TBC1D19: variants seen among roughly 807,000 people sequenced by gnomAD.
The protein encoded by TBC1D19 is TBC1 domain family, member 19.
A neutral mutation model predicts 89.0 loss-of-function variants in TBC1D19; 60 were observed. The observed-to-expected ratio is 0.67, with a 90% CI of 0.55 to 0.84. The LOEUF (loss-of-function observed/expected upper bound fraction) is 0.84. Ranked by LOEUF, TBC1D19 falls within the 40% of genes least tolerant of loss-of-function variation. The pLI, the probability that TBC1D19 is intolerant of heterozygous loss-of-function variation, is 0.00. For missense variants in TBC1D19, 500 were observed against 610.8 expected (o/e 0.82, Z 1.91); for synonymous variants, 189 against 199.7 (o/e 0.95, Z 0.45).
chr4:26,608,986 G>A (rs945831790), intron 1 of TBC1D19, among the ~76,000 whole-genome samples: 1 of 141,016 alleles, frequency 7.1e-6, no homozygotes, highest in African/African-American at 2.6e-5. Flanking sequence ...TCACTCATAG[G>A]TGGGAATTGA....
At chr4:26,844,213 C>A in the TBC1D19 span, among the ~76,000 whole-genome samples, 4 of 152,170 alleles carry the variant, frequency 2.6e-5, 1 homozygote, top group Non-Finnish European at 4.4e-5. Context: ...AACGTCATCC[C>A]AGACCCACTA....
rs182456206 is a variant in TBC1D19 at position 26,745,944 on chromosome 4, A to G, written c.1320-2467A>G. Among the ~76,000 whole-genome samples, 26 of 152,212 alleles carry G rather than the reference A, an allele frequency of 1.7e-4. No homozygotes were observed. The East Asian group carries it at 5.0e-3, about 29-fold the overall frequency. On this transcript the variant is annotated intron_variant, in intron 18 of 20. Transcript: ENST00000264866. ...TTATTTTTCTGTGGCTACTGTCAAG[A>G]TTTTTGTTTTCAGTTCTCACCACTT...
intron 7 of TBC1D19, among the ~76,000 whole-genome samples, chr4:26,640,916 C>A (rs938304094): frequency 3.3e-5 from 5 of 152,204 alleles, no homozygotes; most frequent in Non-Finnish European, 7.3e-5. Flanking sequence ...TGGGTGGAGC[C>A]CACCACAGCT....
At position 26,736,266 on chromosome 4, in the gene TBC1D19, T is replaced by C. The variant is rs1262505918; in HGVS notation, c.1117+779T>C. On this transcript the variant is annotated intron_variant, in intron 16 of 20. Transcript: ENST00000264866. The stretch of plus-strand genomic sequence containing the variant: ...GTAGGGACATGGATGAAATTGGAAA[T>C]CATCATTCTCAGTAAACTATCGCAA... Among the ~76,000 whole-genome samples the C allele has an allele frequency of 8.9e-5, 12 of 134,332 alleles. No individual in the cohort carries two copies. The South Asian group carries it at 1.9e-3, about 22-fold the overall frequency. The allele number at this position is 134,332 out of a possible 152,430, so 88.1% of individuals were successfully genotyped here.
the TBC1D19 span, among the ~76,000 whole-genome samples, chr4:26,778,118 A>C: frequency 6.7e-6 from 1 of 150,012 alleles, no homozygotes; most frequent in African/African-American, 2.5e-5. Flanking sequence ...GGAGAGAGAG[A>C]GAAGGAAAGG....
chr4:26,595,727 T>G (rs1740165663), intron 1 of TBC1D19, among the ~76,000 whole-genome samples: 1 of 151,794 alleles, frequency 6.6e-6, no homozygotes. Flanking sequence ...TCTTTCATCC[T>G]TGTATTGCCT....
chr4:26,842,587 T>TC, the TBC1D19 span, among the ~76,000 whole-genome samples: 2 of 34,170 alleles, frequency 5.9e-5, no homozygotes, highest in East Asian at 1.0e-3. Context: ...TCCCTCCCTT[T>TC]CTTTCTTTCT....
At chr4:26,727,973 A>G (rs1171019951) in intron 15 of TBC1D19, among the ~76,000 whole-genome samples, 1 of 152,188 alleles carries the variant, frequency 6.6e-6, no homozygotes, top group African/African-American at 2.4e-5. Flanking sequence ...GAAGCTATAG[A>G]TTTCAGAACT....
chr4:26,586,134 C>T (rs1739398681), intron 1 of TBC1D19, among the ~76,000 whole-genome samples: 1 of 116,634 alleles, frequency 8.6e-6, no homozygotes, highest in African/African-American at 2.8e-5. Context: ...ATTTTGTGAT[C>T]CATTTGAGTT....
At chr4:26,747,476 G>A (rs1486758448) in intron 18 of TBC1D19, among the ~76,000 whole-genome samples, 1 of 152,110 alleles carries the variant, frequency 6.6e-6, no homozygotes, top group Non-Finnish European at 1.5e-5. Context: ...TCTGAAACTT[G>A]AGGATCTTTT....
the TBC1D19 span, among the ~76,000 whole-genome samples, chr4:26,815,329 A>G: frequency 1.3e-5 from 2 of 152,218 alleles, no homozygotes; most frequent in African/African-American, 2.4e-5. Flanking sequence ...CTAGCATTAC[A>G]TGGGTGTTCC....
chr4:26,641,239 A>G (rs938017503), intron 7 of TBC1D19, among the ~76,000 whole-genome samples: 3 of 152,232 alleles, frequency 2.0e-5, no homozygotes, highest in African/African-American at 4.8e-5. Context: ...CTCTTCTGCA[A>G]TATTTGCTGT....
At chr4:26,782,426 A>G in the TBC1D19 span, among the ~76,000 whole-genome samples, 9 of 152,280 alleles carry the variant, frequency 5.9e-5, no homozygotes, top group African/African-American at 1.9e-4. Flanking sequence ...TCACTGGTGC[A>G]CTGGGGTTTT....
At chr4:26,594,814 T>TA (rs1740098558) in intron 1 of TBC1D19, among the ~76,000 whole-genome samples, 1 of 152,154 alleles carries the variant, frequency 6.6e-6, no homozygotes, top group Non-Finnish European at 1.5e-5. Context: ...TCTGATTCCC[T>TA]AAAAAATCCC....
chr4:26,652,137 G>A (rs776411892), intron 7 of TBC1D19, among the ~76,000 whole-genome samples: 1 of 151,900 alleles, frequency 6.6e-6, no homozygotes, highest in Non-Finnish European at 1.5e-5. Flanking sequence ...GAGGATGTTT[G>A]CATTGATGTT....
chr4:26,586,170 GCTTT>G (rs1739404369), intron 1 of TBC1D19, among the ~76,000 whole-genome samples: 1 of 135,150 alleles, frequency 7.4e-6, no homozygotes, highest in Non-Finnish European at 1.5e-5. Flanking sequence ...TGCAAGGTAA[GCTTT>G]TTTTTTTTTT....
At chr4:26,679,284 C>CT (rs1220178283) in intron 11 of TBC1D19, among the ~76,000 whole-genome samples, 2 of 152,134 alleles carry the variant, frequency 1.3e-5, no homozygotes, top group Non-Finnish European at 2.9e-5. Context: ...ACATGGTGCC[C>CT]TGTGTCCCAT....
chr4:26,639,151 G>A (rs1743322888), intron 6 of TBC1D19, among the ~76,000 whole-genome samples: 1 of 152,108 alleles, frequency 6.6e-6, no homozygotes, highest in Non-Finnish European at 1.5e-5. Flanking sequence ...TGGGCTCAGA[G>A]GGTCCTTTCA....
intron 1 of TBC1D19, among the ~76,000 whole-genome samples, chr4:26,595,989 C>G (rs1446958629): frequency 1.3e-5 from 2 of 151,834 alleles, no homozygotes; most frequent in African/African-American, 4.8e-5. Flanking sequence ...GAGAGTGTCA[C>G]TTTGTCGCCC....
Sources: gnomAD v4.1 joint callset for allele counts (sites outside exome capture counted in the v4.1 genomes callset) on GRCh38, gnomAD v4.1.1 for gene constraint, MANE v1.5 for transcripts, NCBI Gene and HGNC (gene_info 2026-07-23, HGNC 2026-07-21) for gene names.